The following PARP8 variants were observed in gnomAD, a reference collection of about 807,000 sequenced individuals.
PARP8 encodes poly(ADP-ribose) polymerase family member 8.
Under a neutral mutation model 124.1 loss-of-function variants are expected in PARP8, and 51 were observed. The ratio of observed to expected loss-of-function variants is 0.41; its 90% CI spans 0.33 to 0.52. The LOEUF (loss-of-function observed/expected upper bound fraction) is 0.52. Ranked by LOEUF, PARP8 falls within the 20% of genes least tolerant of loss-of-function variation. PARP8 has a pLI of 0.21. For synonymous variants in PARP8, 391 were observed against 361.5 expected (o/e 1.08, Z -0.93); for missense variants, 860 against 1,018.9 (o/e 0.84, Z 2.12).
At chr5:50,834,868 T>A (rs1474254815) in intron 24 of PARP8, 63 bp from the exon 25 acceptor site, 1 of 1,359,064 alleles carries the variant, frequency 7.4e-7, no homozygotes, top group Non-Finnish European at 1.0e-6. Flanking sequence ...ATATATTAAG[T>A]CGGAATGGAC....
intron 25 of PARP8, among the ~76,000 whole-genome samples, chr5:50,836,979 G>C (rs556003236): frequency 6.6e-6 from 1 of 152,140 alleles, no homozygotes; most frequent in South Asian, 2.1e-4. Context: ...AACAACCTTA[G>C]ATATTTAAAT....
intron 2 of PARP8, among the ~76,000 whole-genome samples, chr5:50,676,823 T>C (rs1241786809): frequency 6.6e-6 from 1 of 152,228 alleles, no homozygotes; most frequent in Non-Finnish European, 1.5e-5. Context: ...TCAGACTTTT[T>C]CCACATTAGT....
chr5:50,683,655 C>T (rs1385060767), intron 2 of PARP8, among the ~76,000 whole-genome samples: 1 of 152,016 alleles, frequency 6.6e-6, no homozygotes, highest in Non-Finnish European at 1.5e-5. Flanking sequence ...AAATTTAGAA[C>T]TACTCTTTAT....
At chr5:50,806,219 T>C (rs1743824318) in intron 14 of PARP8, among the ~76,000 whole-genome samples, 2 of 152,058 alleles carry the variant, frequency 1.3e-5, no homozygotes, top group Admixed American at 1.3e-4. Context: ...TGTTCAGTGT[T>C]ACTGTGCTAG....
intron 22 of PARP8, among the ~76,000 whole-genome samples, chr5:50,832,418 T>A (rs986408750): frequency 1.3e-5 from 2 of 152,180 alleles, no homozygotes; most frequent in Admixed American, 6.5e-5. Context: ...TGTAAAAATA[T>A]TTTTCTGACA....
intron 14 of PARP8, among the ~76,000 whole-genome samples, chr5:50,812,014 G>A (rs867534423): frequency 4.6e-5 from 7 of 152,290 alleles, no homozygotes; most frequent in Middle Eastern, 3.4e-3. Context: ...TTGGTTCCAA[G>A]TCTTTGCTAT....
rs771561403 is a variant in PARP8, at chr5:50,834,853, A to G, written c.2378-78A>G. On this transcript the variant is annotated intron_variant, in intron 24 of 25. Coordinates refer to ENST00000281631, the MANE Select transcript of PARP8 (RefSeq NM_024615.4). ...TATTTTTGCTTTAGATTTCAACGAG[A>G]AGAGATATATTAAGTCGGAATGGAC... 24 of 1,225,694 alleles carry G rather than the reference A, an allele frequency of 2.0e-5. No individual in the cohort carries two copies. The East Asian group carries it at 2.9e-4, about 15-fold the overall frequency. The allele number at this position is 1,225,694 out of a possible 1,614,324, so 75.9% of individuals were successfully genotyped here.
intron 2 of PARP8, among the ~76,000 whole-genome samples, chr5:50,675,035 G>A (rs912488526): frequency 1.4e-4 from 22 of 152,212 alleles, no homozygotes; most frequent in Admixed American, 3.9e-4. Flanking sequence ...ATTTGCATAT[G>A]AGTGATATTT....
chr5:50,816,969 T>G (rs978293742), intron 15 of PARP8, among the ~76,000 whole-genome samples: 20 of 152,180 alleles, frequency 1.3e-4, no homozygotes, highest in African/African-American at 4.6e-4. Context: ...AGGGATATGT[T>G]GTATGAGTAT....
rs371344583 is a variant in PARP8 at position 50,768,011 on chromosome 5, ATG to A, written c.518+4791_518+4792del. On this transcript the variant is annotated intron_variant, in intron 7 of 25. Coordinates refer to ENST00000281631, the MANE Select transcript of PARP8 (RefSeq NM_024615.4). ...CATGCACGTATGTGTATATACATAT[ATG>A]TGTGTGTGTGTGTGTGTGTGTTCCC... is the stretch of plus-strand genomic sequence containing the variant. Among the ~76,000 whole-genome samples the A allele has an allele frequency of 3.2e-3, 472 of 149,520 alleles. 1 individual carries two copies. Among genetic ancestry groups the A allele is most frequent in the African/African-American group, 9.5e-3 (387 of 40,874 alleles).
chr5:50,820,652 G>A (rs1459127519), intron 15 of PARP8, among the ~76,000 whole-genome samples: 2 of 152,172 alleles, frequency 1.3e-5, no homozygotes, highest in Non-Finnish European at 2.9e-5. Flanking sequence ...GTCTTTTCCT[G>A]CACATGGGGC....
chr5:50,690,553 T>A (rs543530529), intron 2 of PARP8, among the ~76,000 whole-genome samples: 44 of 152,280 alleles, frequency 2.9e-4, no homozygotes, highest in African/African-American at 9.1e-4. Flanking sequence ...ATTAACTTCC[T>A]CTCAATTTTA....
In PARP8 at chr5:50,829,878, T is replaced by G. The variant is rs775561569; in HGVS notation, c.2164-14T>G. The G allele has an allele frequency of 1.3e-6, 2 of 1,597,296 alleles. No individual in the cohort carries two copies. The highest frequency in any genetic ancestry group is 2.3e-5 in the South Asian group (2 of 88,116). ...GAACAGACCTCTCTCTCTCTCCCAC[T>G]CTTCCCATCTTAGCTCCATGGTGCA... On this transcript the variant is annotated splice_polypyrimidine_tract_variant and intron_variant, in intron 21 of 25. Transcript: ENST00000281631.
At chr5:50,714,689 T>C (rs1215721951) in intron 2 of PARP8, among the ~76,000 whole-genome samples, 3 of 152,148 alleles carry the variant, frequency 2.0e-5, no homozygotes, top group Non-Finnish European at 2.9e-5. Flanking sequence ...GGCTGTGGAC[T>C]GATAGGCTTT....
At chr5:50,741,755 A>G (rs926515601) in intron 2 of PARP8, 6 of 397,662 alleles carry the variant, frequency 1.5e-5, no homozygotes, top group Non-Finnish European at 2.9e-5. Flanking sequence ...TTACCTTAGT[A>G]AAGGGTAATA....
chr5:50,835,891 C>T (rs1339719241), intron 25 of PARP8, among the ~76,000 whole-genome samples: 1 of 152,132 alleles, frequency 6.6e-6, no homozygotes, highest in African/African-American at 2.4e-5. Flanking sequence ...GCTTCCAACC[C>T]GTTTCCCATG....
intron 2 of PARP8, among the ~76,000 whole-genome samples, chr5:50,733,702 T>C (rs1757208062): frequency 6.6e-6 from 1 of 152,256 alleles, no homozygotes; most frequent in African/African-American, 2.4e-5. Context: ...GGGCAATTTT[T>C]CTATATCTGT....
intron 2 of PARP8, among the ~76,000 whole-genome samples, chr5:50,684,780 C>T (rs529830225): frequency 6.6e-6 from 1 of 152,244 alleles, no homozygotes; most frequent in Non-Finnish European, 1.5e-5. Flanking sequence ...GAAAGTGTCA[C>T]AGATGGTATA....
intron 24 of PARP8, 32 bp from the exon 25 acceptor site, chr5:50,834,899 G>A: frequency 6.4e-7 from 1 of 1,557,464 alleles, no homozygotes; most frequent in Non-Finnish European, 8.8e-7. Context: ...TTAGAATAAA[G>A]TGGTTCTTTA....
Sources: allele counts gnomAD v4.1 joint callset (sites outside exome capture counted in the v4.1 genomes callset), GRCh38; gene constraint gnomAD v4.1.1; transcripts MANE v1.5; gene names NCBI Gene and HGNC (gene_info 2026-07-23, HGNC 2026-07-21).